Variants in EPDR1 observed in about 807,000 individuals in gnomAD.
EPDR1 encodes ependymin related 1, also known as mammalian ependymin-related protein 1.
A neutral mutation model predicts 23.7 loss-of-function variants in EPDR1; 27 were observed. That is an observed-to-expected ratio of 1.14 (90% CI 0.84 to 1.57). EPDR1 has a LOEUF of 1.57. Ranked by LOEUF, EPDR1 falls within the 40% of genes most tolerant of loss-of-function variation. The pLI is 0.00. For missense variants in EPDR1, 349 were observed against 290.4 expected (o/e 1.20, Z -1.47); for synonymous variants, 137 against 118.2 (o/e 1.16, Z -1.03).
At chr7:37,943,809 C>T (rs542953630) in intron 1 of EPDR1, among the ~76,000 whole-genome samples, 53 of 152,260 alleles carry the variant, frequency 3.5e-4, no homozygotes, top group African/African-American at 1.1e-3. Flanking sequence ...GTGATTGTTC[C>T]GGGTCTAAAA....
chr7:37,934,226 T>C (rs1048849592), intron 1 of EPDR1, among the ~76,000 whole-genome samples: 1 of 152,206 alleles, frequency 6.6e-6, no homozygotes, highest in African/African-American at 2.4e-5. Flanking sequence ...TCCACCTGCC[T>C]TGGCCTCCCA....
chr7:37,940,981 C>A (rs934140857), intron 1 of EPDR1, among the ~76,000 whole-genome samples: 1 of 152,008 alleles, frequency 6.6e-6, no homozygotes, highest in Non-Finnish European at 1.5e-5. Context: ...CCAAGGTTAG[C>A]CTGTGCCACC....
intron 1 of EPDR1, among the ~76,000 whole-genome samples, chr7:37,930,813 T>C (rs570178458): frequency 3.3e-5 from 5 of 152,240 alleles, no homozygotes; most frequent in Non-Finnish European, 7.3e-5. Flanking sequence ...TGGTTTGTAG[T>C]CCTCTTTCAT....
Position 37,948,906 on chromosome 7 carries a change from G to T in EPDR1, c.336G>T (p.Gln112His). 6.2e-7 allele frequency: 1 copy of T among 1,614,138 alleles called. No homozygotes were observed. ...VMFQIDQATK[Q>H]CSKMTLTQPW... ...TTCAGATTGACCAAGCCACCAAGCAGTGCTCAAAGATGACCCTGACACAGC... is the reference window on the plus strand; with the variant it reads ...TTCAGATTGACCAAGCCACCAAGCATTGCTCAAAGATGACCCTGACACAGC... Residue 112 changes from glutamine (Q) to histidine (H), a missense_variant, in exon 2 of 3, where the codon CAG becomes CAT. Coordinates refer to ENST00000199448, the MANE Select transcript of EPDR1 (RefSeq NM_017549.5).
chr7:37,937,984 A>ATTTTTT (rs1347900474), intron 1 of EPDR1, among the ~76,000 whole-genome samples: 6 of 62,234 alleles, frequency 9.6e-5, no homozygotes, highest in Admixed American at 4.2e-4. Context: ...GTGCCCTTTA[A>ATTTTTT]ATTTTTTTTT....
At chr7:37,921,357 G>C in intron 1 of EPDR1, 149 bp downstream of exon 1, 2 of 1,417,700 alleles carry the variant, frequency 1.4e-6, no homozygotes, top group Non-Finnish European at 1.8e-6. Context: ...AGGGTCTCTT[G>C]GGGATAGCAT....
intron 1 of EPDR1, among the ~76,000 whole-genome samples, chr7:37,924,912 G>A (rs1482626441): frequency 6.6e-6 from 1 of 152,086 alleles, no homozygotes; most frequent in Non-Finnish European, 1.5e-5. Flanking sequence ...TTTTAGAATT[G>A]GATCAACTTC....
intron 1 of EPDR1, among the ~76,000 whole-genome samples, chr7:37,945,239 C>T (rs931943394): frequency 6.6e-6 from 1 of 152,196 alleles, no homozygotes; most frequent in Non-Finnish European, 1.5e-5. Flanking sequence ...AAAGGGCTAA[C>T]AGTTTTACGT....
intron 2 of EPDR1, 116 bp from the exon 3 acceptor site, chr7:37,950,084 A>G: frequency 1.3e-6 from 1 of 744,414 alleles, no homozygotes; most frequent in Non-Finnish European, 2.1e-6. Context: ...GCCACCAAAC[A>G]CTTAAAAATG....
At position 37,920,903 on chromosome 7, in the gene EPDR1, C is replaced by T; in HGVS notation, c.-37C>T. The T allele has an allele frequency of 6.2e-7, 1 of 1,611,334 alleles. No homozygotes were observed. The highest frequency in any genetic ancestry group is 8.5e-7 in the Non-Finnish European group (1 of 1,179,264). ...CCGGACGCCTCAGCGCCCCCTTGGG[C>T]TTGGGCTTGCCCTCGGGCCGGGGAA... On this transcript the variant is annotated 5_prime_UTR_variant, in exon 1 of 3. Transcript: ENST00000199448.
At chr7:37,930,909 T>G (rs1583664129) in intron 1 of EPDR1, among the ~76,000 whole-genome samples, 1 of 152,350 alleles carries the variant, frequency 6.6e-6, no homozygotes, top group South Asian at 2.1e-4. Context: ...TTGCATAAGT[T>G]TATAAGGAGC....
At position 37,950,477 on chromosome 7, in the gene EPDR1, T is replaced by A. The variant is rs760084814; in HGVS notation, c.*81T>A. On this transcript the variant is annotated 3_prime_UTR_variant, in exon 3 of 3. Coordinates refer to ENST00000199448, the MANE Select transcript of EPDR1 (RefSeq NM_017549.5). ...GAGATGGATATGAGACTAGTCAAGA[T>A]GTGAATGCTAATTGGAGAGAAATAT... 10 of 1,218,788 alleles carry A rather than the reference T, an allele frequency of 8.2e-6. No individual in the cohort carries two copies. Among genetic ancestry groups the A allele is most frequent in the Non-Finnish European group, 1.0e-5 (9 of 882,382 alleles). 75.5% of individuals were successfully genotyped at this position (1,218,788 alleles called of 1,614,324 possible). A position where few individuals can be genotyped will look rare whatever the true frequency, so the allele number is the denominator to read the frequency against.
intron 1 of EPDR1, among the ~76,000 whole-genome samples, chr7:37,923,282 A>T (rs999412427): frequency 6.6e-6 from 1 of 152,202 alleles, no homozygotes; most frequent in African/African-American, 2.4e-5. Flanking sequence ...GGTAGTAGCG[A>T]TGGAAATGGT....
At chr7:37,950,099 A>C in intron 2 of EPDR1, 101 bp from the exon 3 acceptor site, 1 of 859,964 alleles carries the variant, frequency 1.2e-6, no homozygotes, top group Non-Finnish European at 1.7e-6. Flanking sequence ...AAAATGGTAA[A>C]ATGGTAAATT....
At chr7:37,946,081 T>A (rs1033699423) in intron 1 of EPDR1, among the ~76,000 whole-genome samples, 3 of 152,250 alleles carry the variant, frequency 2.0e-5, no homozygotes, top group African/African-American at 7.2e-5. Context: ...CTGCATAGTA[T>A]TCCATTGTGT....
chr7:37,932,397 A>G (rs1186797493), intron 1 of EPDR1, among the ~76,000 whole-genome samples: 11 of 152,134 alleles, frequency 7.2e-5, no homozygotes, highest in Admixed American at 6.6e-4. Flanking sequence ...TCGGCCTCCC[A>G]AGTATCTGGG....
chr7:37,938,679 C>T (rs114375047), intron 1 of EPDR1, among the ~76,000 whole-genome samples: 102 of 152,288 alleles, frequency 6.7e-4, no homozygotes, highest in African/African-American at 2.3e-3. Flanking sequence ...GCTTTGTCTT[C>T]AGGATTGTAG....
At chr7:37,930,895 G>A (rs1785923474) in intron 1 of EPDR1, among the ~76,000 whole-genome samples, 1 of 152,206 alleles carries the variant, frequency 6.6e-6, no homozygotes, top group South Asian at 2.1e-4. Context: ...TATAGTGTGT[G>A]TGTTTGCATA....
chr7:37,948,111 T>C (rs533926259), intron 1 of EPDR1, among the ~76,000 whole-genome samples: 1 of 152,156 alleles, frequency 6.6e-6, no homozygotes, highest in Admixed American at 6.5e-5. Flanking sequence ...CCTCAGTGTG[T>C]TCTTGTCCTA....
Sources: gnomAD v4.1 joint callset for allele counts (sites outside exome capture counted in the v4.1 genomes callset) on GRCh38, gnomAD v4.1.1 for gene constraint, MANE v1.5 for transcripts, NCBI Gene and HGNC (gene_info 2026-07-23, HGNC 2026-07-21) for gene names.